The following COMMD1 variants were observed in gnomAD, a reference collection of about 807,000 sequenced individuals.
The protein encoded by COMMD1 is copper metabolism domain containing 1.
COMMD1 carries 10 observed loss-of-function variants against 17.2 expected under a neutral mutation model. That is an observed-to-expected ratio of 0.58 (90% CI 0.36 to 0.99). The LOEUF (loss-of-function observed/expected upper bound fraction) is 0.99, where lower values mean the gene tolerates loss of function less well. COMMD1 is among the 50% of genes least tolerant of loss of function. The pLI is 0.01. For synonymous variants in COMMD1, 97 were observed against 91.6 expected, an observed-to-expected ratio of 1.06 and a Z score of -0.34; for missense variants, 270 against 231.8, an observed-to-expected ratio of 1.17 and a Z score of -1.07.
chr2:61,903,337 G>T (rs72891739), upstream of COMMD1, among the ~76,000 whole-genome samples: 1 of 151,406 alleles, frequency 6.6e-6, no homozygotes, highest in Non-Finnish European at 1.5e-5. Flanking sequence ...CCAGCTACTT[G>T]GGAGGCTGAG....
intron 1 of COMMD1, among the ~76,000 whole-genome samples, chr2:61,944,679 A>C (rs1572988407): frequency 6.6e-6 from 1 of 152,336 alleles, no homozygotes; most frequent in East Asian, 1.9e-4. Context: ...AGTCAGAGTC[A>C]GGTAGTGCAA....
At chr2:61,995,742 A>G (rs555884480) in intron 1 of COMMD1, among the ~76,000 whole-genome samples, 8 of 152,338 alleles carry the variant, frequency 5.3e-5, no homozygotes, top group African/African-American at 1.9e-4. Context: ...TGGTGCTTTC[A>G]GAAAAATCAG....
chr2:62,007,080 C>T (rs960067025), intron 2 of COMMD1, among the ~76,000 whole-genome samples: 1 of 152,134 alleles, frequency 6.6e-6, no homozygotes, highest in Non-Finnish European at 1.5e-5. Context: ...AGATGCCCTG[C>T]ATGTAGAGAT....
At chr2:62,076,973 A>C (rs1401487712) in intron 2 of COMMD1, among the ~76,000 whole-genome samples, 1 of 152,100 alleles carries the variant, frequency 6.6e-6, no homozygotes, top group Non-Finnish European at 1.5e-5. Context: ...CTCCATAAAA[A>C]ATAAAAAATT....
At chr2:61,977,790 C>G (rs1168094378) in intron 1 of COMMD1, among the ~76,000 whole-genome samples, 1 of 151,892 alleles carries the variant, frequency 6.6e-6, no homozygotes, top group African/African-American at 2.4e-5. Context: ...AGTTTGAGAC[C>G]AGCCTGGCCC....
intron 1 of COMMD1, among the ~76,000 whole-genome samples, chr2:61,975,126 T>C (rs1246574408): frequency 1.4e-5 from 2 of 146,268 alleles, no homozygotes; most frequent in African/African-American, 5.0e-5. Context: ...TTCTTTTTTT[T>C]TTTTTTTTTT....
chr2:61,889,622 G>T (rs1669373055), intron 1 of COMMD1, among the ~76,000 whole-genome samples: 1 of 152,066 alleles, frequency 6.6e-6, no homozygotes, highest in Non-Finnish European at 1.5e-5. Flanking sequence ...ACATAGACCT[G>T]CATTTTATGC....
At chr2:62,015,041 C>T (rs374548807) in intron 2 of COMMD1, among the ~76,000 whole-genome samples, 2 of 152,264 alleles carry the variant, frequency 1.3e-5, no homozygotes, top group African/African-American at 2.4e-5. Context: ...CTCCTGCCTC[C>T]ACCTCCCAAA....
intron 2 of COMMD1, among the ~76,000 whole-genome samples, chr2:62,008,089 C>G (rs973447710): frequency 6.6e-6 from 1 of 152,092 alleles, no homozygotes; most frequent in Non-Finnish European, 1.5e-5. Flanking sequence ...GAGTGAGGAT[C>G]CCTTGTGCCC....
upstream of COMMD1, among the ~76,000 whole-genome samples, chr2:61,901,067 C>G (rs562015111): frequency 6.6e-6 from 1 of 152,118 alleles, no homozygotes; most frequent in African/African-American, 2.4e-5. Flanking sequence ...TTGTCTCAGT[C>G]TCCTGAGTAG....
intron 1 of COMMD1, among the ~76,000 whole-genome samples, chr2:61,978,418 GTTGA>G (rs754504039): frequency 2.3e-4 from 35 of 152,178 alleles, no homozygotes; most frequent in Admixed American, 5.2e-4. Context: ...AGGCTTTGGG[GTTGA>G]TTAATATCAA....
At chr2:61,891,733 A>G (rs1412394670) in intron 1 of COMMD1, among the ~76,000 whole-genome samples, 2 of 151,382 alleles carry the variant, frequency 1.3e-5, no homozygotes, top group African/African-American at 4.9e-5. Context: ...ATCTCAAAAC[A>G]AAACAAAAAC....
intron 2 of COMMD1, among the ~76,000 whole-genome samples, chr2:62,128,695 G>A (rs1035103911): frequency 1.3e-5 from 2 of 152,060 alleles, no homozygotes; most frequent in Non-Finnish European, 2.9e-5. Context: ...GCTCACGCCC[G>A]TAATCCCAGC....
rs756118056 is a variant in COMMD1, at chr2:61,913,816, A to AAAAAAAAAAAAAG, written c.180+7959_180+7960insAAAAAAAAAAAGA. On this transcript the variant is annotated intron_variant, in intron 1 of 2. Transcript: ENST00000311832. ...ATCTCCAAAAAAAAAAAAAAAAAAA[A>AAAAAAAAAAAAAG]AGAAAAGTGTGTTAACCTCTGTTCC... Among the ~76,000 whole-genome samples the AAAAAAAAAAAAAG allele has an allele frequency of 5.0e-5, 5 of 100,194 alleles. 1 individual carries two copies. The highest frequency in any genetic ancestry group is 7.5e-5 in the Non-Finnish European group (4 of 53,432). The allele number at this position is 100,194 out of a possible 152,430, so 65.7% of individuals were successfully genotyped here.
At chr2:62,044,583 A>G (rs77463717) in intron 2 of COMMD1, among the ~76,000 whole-genome samples, 2,737 of 152,284 alleles carry the variant, frequency 0.018, 53 homozygotes, top group African/African-American at 0.041. Context: ...TCCTGCTTTT[A>G]TAAGTAGCTT....
chr2:62,133,032 G>C (rs1446303629), intron 2 of COMMD1, among the ~76,000 whole-genome samples: 1 of 152,096 alleles, frequency 6.6e-6, no homozygotes, highest in Non-Finnish European at 1.5e-5. Flanking sequence ...TTCTTTCTTT[G>C]TTTAAACTTG....
intron 1 of COMMD1, among the ~76,000 whole-genome samples, chr2:61,941,353 G>A (rs772326009): frequency 6.6e-6 from 1 of 152,170 alleles, no homozygotes; most frequent in South Asian, 2.1e-4. Context: ...TTAAGCATGT[G>A]TAAGACCATG....
chr2:62,024,978 G>T (rs1669716757), intron 2 of COMMD1, among the ~76,000 whole-genome samples: 1 of 152,166 alleles, frequency 6.6e-6, no homozygotes, highest in Admixed American at 6.5e-5. Flanking sequence ...TGTAATACTA[G>T]CACTTTAGGA....
chr2:61,962,295 C>T (rs1671361847), intron 1 of COMMD1, among the ~76,000 whole-genome samples: 1 of 152,114 alleles, frequency 6.6e-6, no homozygotes, highest in African/African-American at 2.4e-5. Context: ...ATGTGGTTGG[C>T]CTTTGCCCCT....
Sources: allele counts gnomAD v4.1 joint callset (sites outside exome capture counted in the v4.1 genomes callset), GRCh38; gene constraint gnomAD v4.1.1; transcripts MANE v1.5; gene names NCBI Gene and HGNC (gene_info 2026-07-23, HGNC 2026-07-21).